Variants in COL25A1 observed in about 807,000 individuals in gnomAD.
The protein encoded by COL25A1 is collagen type XXV alpha 1 chain, also known as collagen alpha-1(XXV) chain.
In COL25A1, 103 loss-of-function variants were observed where a neutral mutation model predicts 128.4. The observed-to-expected ratio is 0.80, with a 90% CI of 0.68 to 0.94. The LOEUF (loss-of-function observed/expected upper bound fraction) is 0.94. COL25A1 is among the 40% of genes least tolerant of loss of function. The pLI is 0.00. For missense variants in COL25A1, 745 were observed against 840.0 expected (o/e 0.89, Z 1.40); for synonymous variants, 279 against 277.2 (o/e 1.01, Z -0.06).
intron 3 of COL25A1, among the ~76,000 whole-genome samples, chr4:109,052,041 T>C (rs191704911): frequency 1.3e-5 from 2 of 152,314 alleles, no homozygotes; most frequent in East Asian, 1.9e-4. Context: ...TTTGTACATG[T>C]CTTAGAGGCC....
intron 6 of COL25A1, among the ~76,000 whole-genome samples, chr4:109,001,989 A>T (rs1472925404): frequency 1.3e-5 from 2 of 152,220 alleles, no homozygotes; most frequent in Non-Finnish European, 2.9e-5. Flanking sequence ...CAAGGAAATG[A>T]AAATCAAACC....
chr4:108,865,543 C>A (rs2125800056), intron 20 of COL25A1, among the ~76,000 whole-genome samples: 1 of 152,206 alleles, frequency 6.6e-6, no homozygotes, highest in African/African-American at 2.4e-5. Context: ...TGCTTTTTGT[C>A]ATCCCCCACC....
chr4:108,822,671 C>T (rs995525759), intron 35 of COL25A1, among the ~76,000 whole-genome samples: 1 of 152,080 alleles, frequency 6.6e-6, no homozygotes, highest in Non-Finnish European at 1.5e-5. Flanking sequence ...AGCAGTCCTC[C>T]CACCTTGGAC....
chr4:108,914,263 T>C (rs918714593), intron 13 of COL25A1, among the ~76,000 whole-genome samples: 1 of 152,180 alleles, frequency 6.6e-6, no homozygotes, highest in Non-Finnish European at 1.5e-5. Flanking sequence ...AACTTAGAGA[T>C]AAATTGGTAC....
chr4:109,153,278 G>A (rs184394411), intron 3 of COL25A1, among the ~76,000 whole-genome samples: 177 of 151,562 alleles, frequency 1.2e-3, no homozygotes, highest in Non-Finnish European at 1.2e-3. Context: ...CCAGCTACTC[G>A]GGAGGCTGAG....
chr4:109,157,063 C>T (rs771625382), intron 3 of COL25A1, among the ~76,000 whole-genome samples: 1 of 152,202 alleles, frequency 6.6e-6, no homozygotes, highest in Admixed American at 6.6e-5. Context: ...CATACACCTA[C>T]ATTCAAATTT....
At chr4:109,002,335 G>A (rs138079725) in intron 6 of COL25A1, among the ~76,000 whole-genome samples, 49 of 152,262 alleles carry the variant, frequency 3.2e-4, no homozygotes, top group African/African-American at 9.9e-4. Flanking sequence ...TGATGAACAG[G>A]TAAAGAAACT....
intron 5 of COL25A1, among the ~76,000 whole-genome samples, chr4:109,026,668 A>T (rs1197460594): frequency 6.6e-6 from 1 of 152,208 alleles, no homozygotes; most frequent in Admixed American, 6.5e-5. Context: ...GTGCATGAAG[A>T]AAAGAAATAG....
chr4:108,854,888 T>C (rs1316250314), intron 24 of COL25A1, among the ~76,000 whole-genome samples: 3 of 152,148 alleles, frequency 2.0e-5, no homozygotes, highest in Non-Finnish European at 4.4e-5. Context: ...TTAATCTAAT[T>C]TCTTAAAGTG....
chr4:108,997,012 C>A (rs1365191902), intron 6 of COL25A1, among the ~76,000 whole-genome samples: 3 of 152,122 alleles, frequency 2.0e-5, no homozygotes, highest in Non-Finnish European at 2.9e-5. Flanking sequence ...CAAATGCCCA[C>A]AAGAGAAAGC....
At chr4:109,258,472 T>C (rs1781224028) in intron 3 of COL25A1, among the ~76,000 whole-genome samples, 1 of 152,174 alleles carries the variant, frequency 6.6e-6, no homozygotes, top group Non-Finnish European at 1.5e-5. Flanking sequence ...ATGTACTTCA[T>C]ATAATTATTT....
intron 3 of COL25A1, among the ~76,000 whole-genome samples, chr4:109,150,740 C>T (rs147258046): frequency 3.0e-4 from 45 of 152,140 alleles, no homozygotes; most frequent in African/African-American, 1.1e-3. Context: ...ATATTTTTTA[C>T]AATTTTGCCA....
At chr4:108,820,631 T>A (rs1229908310) in intron 35 of COL25A1, among the ~76,000 whole-genome samples, 1 of 152,078 alleles carries the variant, frequency 6.6e-6, no homozygotes, top group Admixed American at 6.6e-5. Context: ...AACCTAGGGA[T>A]CTTCTTTAAT....
intron 3 of COL25A1, among the ~76,000 whole-genome samples, chr4:109,247,344 A>G (rs963889076): frequency 2.0e-4 from 31 of 151,498 alleles, no homozygotes; most frequent in Non-Finnish European, 3.2e-4. Flanking sequence ...AGCAAGACTG[A>G]AAAAAAAAGG....
intron 5 of COL25A1, among the ~76,000 whole-genome samples, chr4:109,043,994 A>G (rs1760175171): frequency 6.6e-6 from 1 of 152,156 alleles, no homozygotes; most frequent in Admixed American, 6.5e-5. Context: ...GAAAGAAAAT[A>G]GAAAAAAGTA....
chr4:109,197,285 C>T (rs1776125571), intron 3 of COL25A1, among the ~76,000 whole-genome samples: 1 of 145,412 alleles, frequency 6.9e-6, no homozygotes, highest in South Asian at 2.1e-4. Context: ...ATGATCACAC[C>T]ACTGCACTTC....
chr4:108,977,730 T>C (rs1359443567), intron 6 of COL25A1, among the ~76,000 whole-genome samples: 1 of 152,218 alleles, frequency 6.6e-6, no homozygotes, highest in Non-Finnish European at 1.5e-5. Flanking sequence ...TAGAAAGACA[T>C]AGTCCCTGTC....
At chr4:108,916,021 A>G (rs1416695518) in intron 13 of COL25A1, among the ~76,000 whole-genome samples, 1 of 152,142 alleles carries the variant, frequency 6.6e-6, no homozygotes, top group Admixed American at 6.5e-5. Flanking sequence ...TCTATTGCCA[A>G]CTTTGTTTTT....
intron 3 of COL25A1, among the ~76,000 whole-genome samples, chr4:109,086,665 C>T (rs12646527): frequency 0.11 from 16,357 of 152,042 alleles, 1,095 homozygotes; most frequent in African/African-American, 0.18. Context: ...AGTGTTATGC[C>T]CTGTTTTATG....
Sources: allele counts gnomAD v4.1 joint callset (sites outside exome capture counted in the v4.1 genomes callset), GRCh38; gene constraint gnomAD v4.1.1; transcripts MANE v1.5; gene names NCBI Gene and HGNC (gene_info 2026-07-23, HGNC 2026-07-21).